LAMC1: variants seen among roughly 807,000 people sequenced by gnomAD.
LAMC1 encodes laminin subunit gamma-1.
A neutral mutation model predicts 173.6 loss-of-function variants in LAMC1; 38 were observed. The ratio of observed to expected loss-of-function variants is 0.22; its 90% CI spans 0.17 to 0.29. The LOEUF (loss-of-function observed/expected upper bound fraction) is 0.29, where lower values mean the gene tolerates loss of function less well. LAMC1 is among the 10% of genes least tolerant of loss of function. The pLI is 1.00. For synonymous variants in LAMC1, 746 were observed against 749.1 expected, an observed-to-expected ratio of 1.00 and a Z score of 0.07; for missense variants, 1,824 against 2,051.8, an observed-to-expected ratio of 0.89 and a Z score of 2.14.
At chr1:183,055,209 C>G (rs759891386) in intron 1 of LAMC1, among the ~76,000 whole-genome samples, 2 of 151,570 alleles carry the variant, frequency 1.3e-5, no homozygotes, top group Non-Finnish European at 2.9e-5. Flanking sequence ...AGGCTGGTCT[C>G]GAACTCCTGA....
Position 183,125,541 on chromosome 1 carries a change from G to C in LAMC1, c.2792G>C (p.Gly931Ala), listed in dbSNP as rs375816080. ...TTCTACAATCTGCAGAGTGGGCAAG[G>C]CTGTGAGAGGTGAGACATAGGTGCC... is the stretch of plus-strand genomic sequence containing the variant. ...PGFYNLQSGQ[G>A]CERCDCHALG... The change falls in exon 15 of 28, where the codon GGC becomes GCC. Residue 931 changes from glycine to alanine, a missense_variant. By Grantham distance (60) the Gly-to-Ala change is moderately conservative. Transcript: ENST00000258341. The C allele has an allele frequency of 1.3e-6, 2 of 1,584,878 alleles. No individual in the cohort carries two copies. The highest frequency in any genetic ancestry group is 1.7e-6 in the Non-Finnish European group (2 of 1,166,520).
chr1:183,024,179 C>G, intron 1 of LAMC1, 45 bp downstream of exon 1: 1 of 1,491,962 alleles, frequency 6.7e-7, no homozygotes, highest in Non-Finnish European at 9.0e-7. Context: ...CGCCAGCAGC[C>G]CAGCTCCCGG....
At chr1:183,120,192 G>T (rs10752901) in intron 11 of LAMC1, among the ~76,000 whole-genome samples, 1 of 137,570 alleles carries the variant, frequency 7.3e-6, no homozygotes, top group Non-Finnish European at 1.5e-5. Flanking sequence ...AAAAAAAAAG[G>T]TGGCGGGGTG....
In LAMC1 at chr1:183,125,430, A is replaced by G; in HGVS notation, c.2681A>G (p.Gln894Arg). 6.2e-7 allele frequency: 1 copy of G among 1,614,110 alleles called. No individual in the cohort carries two copies. Residue 894 changes from glutamine (Q) to arginine (R), a missense_variant, in exon 15 of 28, where the codon CAG becomes CGG. Gln to Arg is a conservative substitution (Grantham distance 43). Coordinates refer to ENST00000258341, the MANE Select transcript of LAMC1 (RefSeq NM_002293.4). Reference protein sequence around the residue: ...CNCNLYGTMKQQSSCNPVTGQ... With the variant: ...CNCNLYGTMKRQSSCNPVTGQ... ...TGCAATCTGTATGGGACCATGAAGCAGCAGAGCAGCTGTAACCCCGTGACG... is the reference window on the plus strand; with the variant it reads ...TGCAATCTGTATGGGACCATGAAGCGGCAGAGCAGCTGTAACCCCGTGACG...
At chr1:183,070,874 A>G (rs1031552666) in intron 1 of LAMC1, among the ~76,000 whole-genome samples, 1 of 152,142 alleles carries the variant, frequency 6.6e-6, no homozygotes, top group Non-Finnish European at 1.5e-5. Context: ...GAGAAATCCT[A>G]CAGACGATGG....
intron 1 of LAMC1, among the ~76,000 whole-genome samples, chr1:183,087,360 TAA>T (rs1655457626): frequency 1.3e-5 from 2 of 152,242 alleles, no homozygotes; most frequent in East Asian, 3.9e-4. Context: ...TACCTCAAAA[TAA>T]AGAGATAGCT....
chr1:183,028,007 T>C (rs1265527646), intron 1 of LAMC1, among the ~76,000 whole-genome samples: 1 of 152,198 alleles, frequency 6.6e-6, no homozygotes, highest in Non-Finnish European at 1.5e-5. Flanking sequence ...TGGCCAGCAG[T>C]TGTTGAACAC....
chr1:183,095,035 G>A (rs1000101742), intron 1 of LAMC1, among the ~76,000 whole-genome samples: 3 of 151,990 alleles, frequency 2.0e-5, no homozygotes, highest in Non-Finnish European at 4.4e-5. Flanking sequence ...TACTAGAGAC[G>A]GGGTTTCACC....
rs544527088 is a variant in LAMC1, at chr1:183,117,451, G to A, written c.1687+9G>A. 181 of 1,612,382 alleles carry A rather than the reference G, an allele frequency of 1.1e-4. No individual in the cohort carries two copies. The East Asian group carries it at 3.5e-3, about 31-fold the overall frequency. ...GTACTTCATTGCTCCTGGTAAGTAA[G>A]GCTAGAAAGCAGTCTGACCTGCTGT... On this transcript the variant is annotated intron_variant, in intron 9 of 27. Coordinates refer to ENST00000258341, the MANE Select transcript of LAMC1 (RefSeq NM_002293.4).
chr1:183,049,835 AAATC>A (rs1654368692), intron 1 of LAMC1, among the ~76,000 whole-genome samples: 1 of 152,192 alleles, frequency 6.6e-6, no homozygotes, highest in African/African-American at 2.4e-5. Context: ...CAAAAAAAAA[AAATC>A]ATTCTGGATT....
intron 1 of LAMC1, among the ~76,000 whole-genome samples, chr1:183,070,975 C>CTG (rs1315412533): frequency 2.6e-5 from 4 of 152,102 alleles, no homozygotes; most frequent in African/African-American, 9.7e-5. Flanking sequence ...TTCTCATTTC[C>CTG]TGTTTCATCA....
At chr1:183,044,490 C>T (rs1439975526) in intron 1 of LAMC1, among the ~76,000 whole-genome samples, 4 of 152,016 alleles carry the variant, frequency 2.6e-5, no homozygotes, top group East Asian at 1.9e-4. Flanking sequence ...ACTCGTAAAA[C>T]GATAGGCATT....
At chr1:183,032,033 T>C (rs1200144300) in intron 1 of LAMC1, among the ~76,000 whole-genome samples, 1 of 152,200 alleles carries the variant, frequency 6.6e-6, no homozygotes, top group East Asian at 1.9e-4. Flanking sequence ...GGTCTAAAAT[T>C]GACAGCTTGC....
At chr1:183,027,856 C>A (rs1653730848) in intron 1 of LAMC1, among the ~76,000 whole-genome samples, 1 of 152,158 alleles carries the variant, frequency 6.6e-6, no homozygotes, top group Non-Finnish European at 1.5e-5. Flanking sequence ...TGGGTTCTGA[C>A]TATGTCAGGG....
intron 1 of LAMC1, among the ~76,000 whole-genome samples, chr1:183,040,439 A>C (rs562873480): frequency 6.6e-6 from 1 of 152,334 alleles, no homozygotes; most frequent in Admixed American, 6.5e-5. Flanking sequence ...CTGCTGGGAA[A>C]TCTGACAATT....
At chr1:183,045,287 C>T (rs1654238630) in intron 1 of LAMC1, among the ~76,000 whole-genome samples, 1 of 151,960 alleles carries the variant, frequency 6.6e-6, no homozygotes, top group South Asian at 2.1e-4. Flanking sequence ...TAAAAGTTTC[C>T]ATATGAAGTA....
At position 183,121,785 on chromosome 1, in the gene LAMC1, A is replaced by G. The variant is rs148690613; in HGVS notation, c.2053A>G (p.Thr685Ala). The G allele has an allele frequency of 9.2e-4, 1,484 of 1,614,182 alleles. 1 individual carries two copies. The highest frequency in any genetic ancestry group is 1.1e-3 in the Non-Finnish European group (1,329 of 1,180,018). ...SARPGPGVPA[T>A]WVESCTCPVG... ...TCGTCCTGGGCCTGGAGTCCCTGCAACTTGGGTGGAGTCCTGCACCTGTCC... is the reference window on the plus strand; with the variant it reads ...TCGTCCTGGGCCTGGAGTCCCTGCAGCTTGGGTGGAGTCCTGCACCTGTCC... Residue 685 changes from threonine to alanine, a missense_variant, in exon 12 of 28, where the codon ACT (threonine) becomes GCT (alanine). Physicochemically the swap from Thr to Ala is moderately conservative, Grantham distance 58 (BLOSUM62 0). Coordinates refer to ENST00000258341, the MANE Select transcript of LAMC1 (RefSeq NM_002293.4).
rs769711162 is a variant in LAMC1 at position 183,118,016 on chromosome 1, C to A, written c.1878-18C>A. Reference sequence around the variant, plus strand: ...ATTGTCCTTACAGAGGTTAATGTGGCCCTTTCTTTCTCTCCAGGCTCCATG... The same window carrying A: ...ATTGTCCTTACAGAGGTTAATGTGGACCTTTCTTTCTCTCCAGGCTCCATG... On this transcript the variant is annotated intron_variant, in intron 10 of 27. Coordinates refer to ENST00000258341, the MANE Select transcript of LAMC1 (RefSeq NM_002293.4). The A allele has an allele frequency of 1.7e-5, 25 of 1,453,574 alleles. No individual in the cohort carries two copies. The highest frequency in any genetic ancestry group is 2.3e-5 in the East Asian group (1 of 44,150). 90.0% of individuals were successfully genotyped at this position (1,453,574 alleles called of 1,614,324 possible). A position where few individuals can be genotyped will look rare whatever the true frequency, so the allele number is the denominator to read the frequency against.
chr1:183,117,051 CT>C, intron 8 of LAMC1, 148 bp downstream of exon 8: 2 of 867,428 alleles, frequency 2.3e-6, no homozygotes, highest in Non-Finnish European at 1.7e-6. Flanking sequence ...GTAGTTTGGC[CT>C]TTTAATTTAA....
Sources: gnomAD v4.1 joint callset for allele counts (sites outside exome capture counted in the v4.1 genomes callset) on GRCh38, gnomAD v4.1.1 for gene constraint, MANE v1.5 for transcripts, NCBI Gene and HGNC (gene_info 2026-07-23, HGNC 2026-07-21) for gene names.